Variants in DST observed in about 807,000 individuals in gnomAD.
The protein encoded by DST is dystonin.
In DST, 253 loss-of-function variants were observed where a neutral mutation model predicts 875.2. The ratio of observed to expected loss-of-function variants is 0.29; its 90% CI spans 0.26 to 0.32. The LOEUF (loss-of-function observed/expected upper bound fraction) is 0.32, where lower values mean the gene tolerates loss of function less well. Among genes scored for constraint, DST ranks in the 10% least tolerant of loss-of-function variants. The pLI, the probability that DST is intolerant of heterozygous loss-of-function variation, is 1.00. For missense variants in DST, 8,287 were observed against 9,111.6 expected, an observed-to-expected ratio of 0.91 and a Z score of 3.68; for synonymous variants, 3,124 against 3,197.1, an observed-to-expected ratio of 0.98 and a Z score of 0.77.
rs199968690 is a variant in DST at position 56,616,884 on chromosome 6, C to G, written c.4930-2400G>C. On this transcript the variant is annotated intron_variant, in intron 36 of 103. Transcript: ENST00000680361. ...TCGGGGTCAACAACTCCTTTAAGAA[C>G]TGCATCTTCAACAGAATATGTCTGA... The G allele has an allele frequency of 6.8e-6, 11 of 1,613,872 alleles. No individual in the cohort carries two copies. The African/African-American group carries it at 1.5e-4, about 22-fold the overall frequency.
intron 2 of DST, among the ~76,000 whole-genome samples, chr6:56,923,094 C>G (rs1451511222): frequency 6.6e-6 from 1 of 151,814 alleles, no homozygotes; most frequent in Non-Finnish European, 1.5e-5. Flanking sequence ...AATAATATTC[C>G]AAGACTAAAT....
At chr6:56,784,345 G>C (rs1288132845) in intron 4 of DST, among the ~76,000 whole-genome samples, 1 of 152,156 alleles carries the variant, frequency 6.6e-6, no homozygotes, top group Non-Finnish European at 1.5e-5. Flanking sequence ...CATTCTCCCC[G>C]TCACTTTCAG....
At chr6:56,721,167 T>C (rs75715526) in intron 5 of DST, among the ~76,000 whole-genome samples, 2 of 121,450 alleles carry the variant, frequency 1.6e-5, no homozygotes, top group Non-Finnish European at 3.4e-5. Context: ...ACCTCCCAGA[T>C]GGGGCGGCTG....
intron 4 of DST, among the ~76,000 whole-genome samples, chr6:56,797,075 T>C (rs2099740725): frequency 6.6e-6 from 1 of 152,224 alleles, no homozygotes; most frequent in South Asian, 2.1e-4. Context: ...ACTTCCTGTC[T>C]CTGTGTTATA....
intron 10 of DST, among the ~76,000 whole-genome samples, chr6:56,656,313 T>C (rs2099008268): frequency 6.6e-6 from 1 of 152,208 alleles, no homozygotes; most frequent in Non-Finnish European, 1.5e-5. Flanking sequence ...CGGTGAAGTA[T>C]AAAAGTTTCA....
intron 9 of DST, among the ~76,000 whole-genome samples, chr6:56,696,631 T>G (rs1236228601): frequency 6.6e-6 from 1 of 152,170 alleles, no homozygotes; most frequent in East Asian, 1.9e-4. Flanking sequence ...CCTTTTGGCT[T>G]GTTATTTTCT....
intron 9 of DST, among the ~76,000 whole-genome samples, chr6:56,685,038 T>C (rs1234061419): frequency 1.5e-5 from 2 of 134,604 alleles, no homozygotes; most frequent in Non-Finnish European, 3.1e-5. Context: ...GGCATTATGT[T>C]CTCTTCCTCT....
chr6:56,476,027 G>A, intron 92 of DST, 122 bp downstream of exon 92: 1 of 857,056 alleles, frequency 1.2e-6, no homozygotes, highest in Non-Finnish European at 1.7e-6. Flanking sequence ...GTTGTAAGGA[G>A]CTGAGGAGTC....
chr6:56,742,743 T>TA (rs555885616), intron 4 of DST, among the ~76,000 whole-genome samples: 100 of 152,146 alleles, frequency 6.6e-4, no homozygotes, highest in African/African-American at 2.2e-3. Flanking sequence ...GCAATAAAAA[T>TA]AAAAAAAATC....
At chr6:56,542,560 C>A (rs1443101256) in intron 61 of DST, 3 of 152,040 alleles carry the variant, frequency 2.0e-5, no homozygotes, top group Non-Finnish European at 4.4e-5. Flanking sequence ...GCACAGGCAG[C>A]GTAATTCACA....
At chr6:56,691,341 G>A (rs6459169) in intron 9 of DST, among the ~76,000 whole-genome samples, 150,016 of 152,264 alleles carry the variant, frequency 0.99, 73,910 homozygotes, top group East Asian at 1. Context: ...AGAACTGATG[G>A]CATAATATTG....
intron 4 of DST, among the ~76,000 whole-genome samples, chr6:56,781,972 T>C (rs1252715112): frequency 6.6e-6 from 1 of 152,204 alleles, no homozygotes. Flanking sequence ...CTGCATCTAT[T>C]GAGATAATCA....
chr6:56,929,624 T>C (rs904495806), intron 2 of DST, among the ~76,000 whole-genome samples: 2 of 152,196 alleles, frequency 1.3e-5, no homozygotes, highest in Non-Finnish European at 2.9e-5. Context: ...ACTGATATAC[T>C]TTTATATGCT....
intron 9 of DST, chr6:56,693,389 A>T: frequency 8.9e-7 from 1 of 1,121,142 alleles, no homozygotes; most frequent in Non-Finnish European, 1.1e-6. Context: ...TCTGGCCACC[A>T]ATCCTCTTAG....
intron 36 of DST, chr6:56,616,888 A>C (rs1434323532): frequency 6.2e-7 from 1 of 1,613,806 alleles, no homozygotes; most frequent in Non-Finnish European, 8.5e-7. Context: ...TAAGAACTGC[A>C]TCTTCAACAG....
At position 56,933,502 on chromosome 6, in the gene DST, C is replaced by T. The variant is rs145183420; in HGVS notation, c.216+20283G>A. 9.0e-3 allele frequency among the ~76,000 whole-genome samples: 1,375 copies of T among 152,264 alleles called. 24 individuals are homozygous for T. Among genetic ancestry groups the T allele is most frequent in the African/African-American group, 0.031 (1,306 of 41,532 alleles). ...CCTCAGTGTGGATGTTTGGCCTTAC[C>T]GTGCCAGGTGAGCAGGCCCCAGTTA... is the stretch of plus-strand genomic sequence containing the variant. On this transcript the variant is annotated intron_variant, in intron 2 of 103. Coordinates refer to ENST00000680361, the MANE Select transcript of DST (RefSeq NM_001374736.1).
chr6:56,631,853 T>G (rs982952913), intron 29 of DST, 30 bp downstream of exon 29: 2 of 1,608,790 alleles, frequency 1.2e-6, no homozygotes, highest in Middle Eastern at 1.7e-4. Flanking sequence ...AGAGAGTTAG[T>G]TTTTTTCCCA....
At chr6:56,793,012 G>A (rs1009310104) in intron 4 of DST, among the ~76,000 whole-genome samples, 2 of 136,444 alleles carry the variant, frequency 1.5e-5, no homozygotes, top group Admixed American at 1.7e-4. Flanking sequence ...AGGCTGCAGT[G>A]AGCCCATGAT....
chr6:56,703,602 C>T (rs1055214750), intron 7 of DST, 46 bp downstream of exon 7: 4 of 776,172 alleles, frequency 5.2e-6, no homozygotes, highest in African/African-American at 1.9e-5. Flanking sequence ...TAGCGCTCAC[C>T]GCATGGGAAC....
Sources: gnomAD v4.1 joint callset for allele counts (sites outside exome capture counted in the v4.1 genomes callset) on GRCh38, gnomAD v4.1.1 for gene constraint, MANE v1.5 for transcripts, NCBI Gene and HGNC (gene_info 2026-07-23, HGNC 2026-07-21) for gene names.